USP34: variants seen among roughly 807,000 people sequenced by gnomAD.
USP34 encodes the protein ubiquitin carboxyl-terminal hydrolase 34.
Under a neutral mutation model 460.3 loss-of-function variants are expected in USP34, and 70 were observed. The ratio of observed to expected loss-of-function variants is 0.15; its 90% CI spans 0.13 to 0.19. USP34 has a LOEUF of 0.19. Among genes scored for constraint, USP34 ranks in the 10% least tolerant of loss-of-function variants. The pLI is 1.00. For synonymous variants in USP34, 1,647 were observed against 1,405.3 expected (o/e 1.17, Z -3.85); for missense variants, 3,985 against 4,236.2 (o/e 0.94, Z 1.65).
At chr2:61,273,966 G>T (rs955088417) in intron 41 of USP34, among the ~76,000 whole-genome samples, 15 of 151,172 alleles carry the variant, frequency 9.9e-5, no homozygotes. Flanking sequence ...TTTCCTGATA[G>T]AAAAACTTAA....
chr2:61,379,932 G>C (rs867283947), intron 7 of USP34, among the ~76,000 whole-genome samples: 2 of 152,186 alleles, frequency 1.3e-5, no homozygotes, highest in South Asian at 2.1e-4. Context: ...ACAAAATGAT[G>C]AAAGAGTTGG....
At chr2:61,467,622 T>TTG (rs1298779639) in intron 1 of USP34, among the ~76,000 whole-genome samples, 6 of 142,734 alleles carry the variant, frequency 4.2e-5, no homozygotes, top group East Asian at 4.1e-4. Context: ...ACTTTGTTTT[T>TTG]TTTTTTTTTT....
intron 1 of USP34, among the ~76,000 whole-genome samples, chr2:61,463,815 C>A (rs1456088693): frequency 5.3e-5 from 8 of 149,782 alleles, no homozygotes; most frequent in Middle Eastern, 3.5e-3. Context: ...GCCTGGGCAA[C>A]AGGAACAAAA....
Position 61,348,184 on chromosome 2 carries a change from G to A in USP34, c.1971C>T (p.Asp657=). The A allele has an allele frequency of 6.2e-7, 1 of 1,614,188 alleles. No individual in the cohort carries two copies. The highest frequency in any genetic ancestry group is 1.1e-5 in the South Asian group (1 of 91,076). Residue 657 remains aspartate, a synonymous_variant, in exon 15 of 80, where the codon GAC becomes GAT. Transcript: ENST00000398571. The part of the protein sequence containing the change: ...LESQAGICLG[D]SQGMSERNGT... ...CATTTCTTTCTGACATGCCTTGGGA[G>A]TCCCCCAGGCAAATGCCTGCTTGAC...
intron 66 of USP34, among the ~76,000 whole-genome samples, chr2:61,221,005 A>G (rs2103808746): frequency 6.6e-6 from 1 of 152,296 alleles, no homozygotes; most frequent in South Asian, 2.1e-4. Context: ...ATGATTGCTC[A>G]TATGCTACCA....
intron 10 of USP34, among the ~76,000 whole-genome samples, chr2:61,357,157 T>C (rs1692132988): frequency 1.3e-5 from 2 of 152,176 alleles, no homozygotes; most frequent in African/African-American, 4.8e-5. Flanking sequence ...CTCAAGTACA[T>C]GTGGGACATG....
chr2:61,405,044 G>A (rs931649921), intron 3 of USP34, among the ~76,000 whole-genome samples: 3 of 151,676 alleles, frequency 2.0e-5, no homozygotes, highest in African/African-American at 4.8e-5. Flanking sequence ...TGGCTAACAC[G>A]GTGAAACCCC....
intron 49 of USP34, among the ~76,000 whole-genome samples, chr2:61,247,126 TA>T (rs1362014323): frequency 6.6e-6 from 1 of 152,008 alleles, no homozygotes; most frequent in Non-Finnish European, 1.5e-5. Flanking sequence ...AGATTTAAAA[TA>T]TAAAGGTAAT....
chr2:61,312,009 A>C lies in USP34; in HGVS notation c.3543-99T>G. 2.1e-6 allele frequency: 3 copies of C among 1,417,416 alleles called. No homozygotes were observed. The South Asian group carries it at 4.3e-5, about 20-fold the overall frequency. The allele number at this position is 1,417,416 out of a possible 1,614,324, so 87.8% of individuals were successfully genotyped here. Reference sequence around the variant, plus strand: ...ATCTTACAGACTGGAAAAGTCCAAAAGAAGTTCTAAGTTCATTCCAATGTA... The same window carrying C: ...ATCTTACAGACTGGAAAAGTCCAAACGAAGTTCTAAGTTCATTCCAATGTA... On this transcript the variant is annotated intron_variant, in intron 25 of 79. Transcript: ENST00000398571.
At chr2:61,270,096 T>C (rs182125672) in intron 41 of USP34, among the ~76,000 whole-genome samples, 7 of 152,360 alleles carry the variant, frequency 4.6e-5, no homozygotes, top group South Asian at 4.1e-4. Flanking sequence ...GTAATTGCCA[T>C]GGCCTAAATG....
At chr2:61,304,196 A>G (rs1051212553) in intron 27 of USP34, among the ~76,000 whole-genome samples, 9 of 152,136 alleles carry the variant, frequency 5.9e-5, no homozygotes, top group African/African-American at 1.9e-4. Flanking sequence ...ACGCCTGGCA[A>G]TATTTTGGTA....
Position 61,280,263 on chromosome 2 carries a change from T to C in USP34, c.5237A>G (p.His1746Arg). The C allele has an allele frequency of 6.4e-7, 1 of 1,555,996 alleles. No homozygotes were observed. Among genetic ancestry groups the C allele is most frequent in the Non-Finnish European group, 8.7e-7 (1 of 1,152,072 alleles). ...ACATACCTGACTAGCGTCCTTTATA[T>C]GTATGTTGTCAACTAATTTGCATAA... Reference protein sequence around the residue: ...WLLCKLVDNIHIKDASQTTLL... With the variant: ...WLLCKLVDNIRIKDASQTTLL... The change falls in exon 39 of 80, where the codon CAT (histidine) becomes CGT (arginine). Residue 1746 changes from histidine (H) to arginine (R), a missense_variant. His to Arg is a conservative substitution (Grantham distance 29, BLOSUM62 0). Coordinates refer to ENST00000398571, the MANE Select transcript of USP34 (RefSeq NM_014709.4).
chr2:61,352,743 ATAT>A (rs990175338), intron 10 of USP34, among the ~76,000 whole-genome samples: 3 of 152,142 alleles, frequency 2.0e-5, no homozygotes, highest in African/African-American at 7.2e-5. Context: ...TACACAAAAA[ATAT>A]TATTAAGAAT....
chr2:61,350,488 G>C (rs1204296480), intron 11 of USP34, 80 bp downstream of exon 11: 3 of 1,551,066 alleles, frequency 1.9e-6, no homozygotes, highest in Non-Finnish European at 1.7e-6. Flanking sequence ...ACAATAAAAT[G>C]AAAGTTAAAT....
intron 53 of USP34, among the ~76,000 whole-genome samples, chr2:61,240,010 CAAAAAA>C (rs10552748): frequency 9.5e-6 from 1 of 104,864 alleles, no homozygotes. Flanking sequence ...GACTCCTTCT[CAAAAAA>C]AAAAAAAAAA....
At chr2:61,341,160 A>G (rs962403249) in intron 16 of USP34, among the ~76,000 whole-genome samples, 2 of 152,170 alleles carry the variant, frequency 1.3e-5, no homozygotes, top group African/African-American at 4.8e-5. Context: ...ATGATGTTGG[A>G]TGTGTCTGTA....
intron 44 of USP34, among the ~76,000 whole-genome samples, chr2:61,258,470 T>C (rs977116348): frequency 2.0e-5 from 3 of 152,230 alleles, no homozygotes; most frequent in Admixed American, 2.0e-4. Flanking sequence ...ATCTGTGGAA[T>C]AGATGGTCTC....
In USP34 at chr2:61,229,418, T is replaced by G. The variant is rs537022854; in HGVS notation, c.7199+130A>C. 1.8e-4 allele frequency: 113 copies of G among 626,808 alleles called. 2 individuals carry two copies. In the East Asian group the frequency reaches 3.5e-3, roughly 20 times the overall value. The allele number at this position is 626,808 out of a possible 1,614,324, so 38.8% of individuals were successfully genotyped here. A position where few individuals can be genotyped will look rare whatever the true frequency, so the allele number is the denominator to read the frequency against. ...GGGCGGATCATTTGAACTTACGAGT[T>G]TGAGACCAGCCTGGGCAACATGAAG... On this transcript the variant is annotated intron_variant, in intron 59 of 79. Coordinates refer to ENST00000398571, the MANE Select transcript of USP34 (RefSeq NM_014709.4).
intron 27 of USP34, among the ~76,000 whole-genome samples, chr2:61,307,866 T>C (rs1029791165): frequency 1.3e-5 from 2 of 151,928 alleles, no homozygotes; most frequent in Non-Finnish European, 2.9e-5. Context: ...CTGGGCAACA[T>C]GGCAAAACCC....
Sources: gnomAD v4.1 joint callset for allele counts (sites outside exome capture counted in the v4.1 genomes callset) on GRCh38, gnomAD v4.1.1 for gene constraint, MANE v1.5 for transcripts, NCBI Gene and HGNC (gene_info 2026-07-23, HGNC 2026-07-21) for gene names.